L3MBTL4: variants seen among roughly 807,000 people sequenced by gnomAD.
The protein encoded by L3MBTL4 is L3MBTL histone methyl-lysine binding protein 4, also known as lethal(3)malignant brain tumor-like protein 4.
In L3MBTL4, 70 loss-of-function variants were observed where a neutral mutation model predicts 84.5. The observed-to-expected ratio is 0.83, with a 90% CI of 0.68 to 1.01. L3MBTL4 has a LOEUF of 1.01. Ranked by LOEUF, L3MBTL4 falls within the 50% of genes least tolerant of loss-of-function variation. The probability of loss-of-function intolerance (pLI) is 0.00; values close to 1 mark genes in which losing one functional copy is unlikely to be tolerated. For missense variants in L3MBTL4, 715 were observed against 754.8 expected, an observed-to-expected ratio of 0.95 and a Z score of 0.62; for synonymous variants, 274 against 259.8, an observed-to-expected ratio of 1.05 and a Z score of -0.52.
intron 1 of L3MBTL4, among the ~76,000 whole-genome samples, chr18:6,406,335 G>A (rs998072922): frequency 5.9e-5 from 9 of 152,226 alleles, no homozygotes; most frequent in Admixed American, 3.9e-4. Context: ...GTCATGGCAA[G>A]AAAGAATCAA....
intron 5 of L3MBTL4, among the ~76,000 whole-genome samples, chr18:6,256,487 T>C (rs2048143798): frequency 6.6e-6 from 1 of 151,618 alleles, no homozygotes; most frequent in Non-Finnish European, 1.5e-5. Flanking sequence ...AACCTTATCA[T>C]CCTGCAGAAG....
intron 1 of L3MBTL4, among the ~76,000 whole-genome samples, chr18:6,370,757 C>T (rs1008515451): frequency 6.6e-6 from 1 of 152,204 alleles, no homozygotes; most frequent in African/African-American, 2.4e-5. Flanking sequence ...ACACTGTCCC[C>T]AGTTGACAGG....
intron 16 of L3MBTL4, among the ~76,000 whole-genome samples, chr18:5,974,515 A>C (rs1027995364): frequency 1.3e-5 from 2 of 152,204 alleles, no homozygotes; most frequent in African/African-American, 4.8e-5. Flanking sequence ...AGAACGCCAC[A>C]GCCAGGGGAA....
At chr18:6,189,524 A>G (rs957084152) in intron 12 of L3MBTL4, among the ~76,000 whole-genome samples, 4 of 152,236 alleles carry the variant, frequency 2.6e-5, no homozygotes, top group African/African-American at 9.6e-5. Flanking sequence ...AAGAAACAAG[A>G]CAATGTAACT....
chr18:6,271,695 A>C (rs961344465), intron 4 of L3MBTL4, among the ~76,000 whole-genome samples: 6 of 152,204 alleles, frequency 3.9e-5, no homozygotes, highest in African/African-American at 1.2e-4. Flanking sequence ...GAGGAAGAAG[A>C]GCCGAGGTCA....
At position 6,215,737 on chromosome 18, in the gene L3MBTL4, A is replaced by G; in HGVS notation, c.870+13T>C. 6.5e-7 allele frequency: 1 copy of G among 1,541,824 alleles called. No individual in the cohort carries two copies. The highest frequency in any genetic ancestry group is 8.9e-7 in the Non-Finnish European group (1 of 1,124,052). ...TGTTTAAAGGTGAGAGTTTGTACCC[A>G]CATAGAACTTACCATTTTAAAAACT... On this transcript the variant is annotated intron_variant, in intron 11 of 18. Transcript: ENST00000317931.
intron 4 of L3MBTL4, among the ~76,000 whole-genome samples, chr18:6,282,075 G>A (rs1454339072): frequency 6.6e-6 from 1 of 152,148 alleles, no homozygotes; most frequent in Non-Finnish European, 1.5e-5. Context: ...AACCAGCTGA[G>A]CACAGCAAAC....
At chr18:6,332,878 T>C (rs910138820) in intron 1 of L3MBTL4, among the ~76,000 whole-genome samples, 1 of 152,210 alleles carries the variant, frequency 6.6e-6, no homozygotes, top group Non-Finnish European at 1.5e-5. Context: ...AAAGCAGCAG[T>C]AGCAGTAGCA....
intron 15 of L3MBTL4, among the ~76,000 whole-genome samples, chr18:6,085,354 T>G (rs1333916330): frequency 2.0e-5 from 3 of 152,216 alleles, no homozygotes; most frequent in Non-Finnish European, 4.4e-5. Flanking sequence ...ACCCATGACA[T>G]ATTGTTAAAT....
At chr18:6,313,161 G>A (rs1264595059) in intron 1 of L3MBTL4, among the ~76,000 whole-genome samples, 1 of 152,208 alleles carries the variant, frequency 6.6e-6, no homozygotes, top group African/African-American at 2.4e-5. Flanking sequence ...GACAAGGACT[G>A]TGAATTACTG....
At chr18:6,314,599 AAT>A (rs1359033895) in intron 1 of L3MBTL4, among the ~76,000 whole-genome samples, 8 of 152,214 alleles carry the variant, frequency 5.3e-5, no homozygotes, top group African/African-American at 1.9e-4. Flanking sequence ...AAAAATTGAA[AAT>A]AGTGTACTAA....
chr18:6,352,816 G>A lies in L3MBTL4; in HGVS notation c.-90-40760C>T, dbSNP rs571505915. 3.9e-5 allele frequency among the ~76,000 whole-genome samples: 6 copies of A among 152,266 alleles called. No individual in the cohort carries two copies. The South Asian group carries it at 1.2e-3, about 32-fold the overall frequency. ...AATCTAGTTGGTAGCCTCAAAAGTG[G>A]AAGAAACTGAAAAGAGACATTTTTC... On this transcript the variant is annotated intron_variant, in intron 1 of 18. Coordinates refer to ENST00000317931, the MANE Select transcript of L3MBTL4 (RefSeq NM_001330559.2).
intron 1 of L3MBTL4, among the ~76,000 whole-genome samples, chr18:6,345,668 T>G (rs2052861988): frequency 6.6e-6 from 1 of 152,116 alleles, no homozygotes; most frequent in African/African-American, 2.4e-5. Context: ...TGAAAGATAT[T>G]AAAGTAGACA....
chr18:6,321,955 A>T (rs762383032), intron 1 of L3MBTL4, among the ~76,000 whole-genome samples: 1 of 152,194 alleles, frequency 6.6e-6, no homozygotes, highest in Non-Finnish European at 1.5e-5. Context: ...TATAATGTAC[A>T]CTACTCAGGT....
chr18:6,180,057 C>G lies in L3MBTL4; in HGVS notation c.982-8115G>C, dbSNP rs145293676. Among the ~76,000 whole-genome samples, 80 of 152,222 alleles carry G rather than the reference C, an allele frequency of 5.3e-4. 2 individuals are homozygous for G. The East Asian group carries it at 0.012, about 22-fold the overall frequency. On this transcript the variant is annotated intron_variant, in intron 12 of 18. Coordinates refer to ENST00000317931, the MANE Select transcript of L3MBTL4 (RefSeq NM_001330559.2). ...CAGTAAATGGCAAAAACAGACTTAA[C>G]CTGAGAACAGTTTACTGAGAGAACC...
At chr18:6,159,403 T>C (rs2043228614) in intron 13 of L3MBTL4, among the ~76,000 whole-genome samples, 1 of 152,212 alleles carries the variant, frequency 6.6e-6, no homozygotes, top group Non-Finnish European at 1.5e-5. Flanking sequence ...TTGAGTTGCC[T>C]CACCTCTGGA....
At chr18:6,240,595 G>A (rs918959113) in intron 8 of L3MBTL4, among the ~76,000 whole-genome samples, 10 of 151,966 alleles carry the variant, frequency 6.6e-5, no homozygotes, top group African/African-American at 1.2e-4. Flanking sequence ...TACAGTATCC[G>A]GGAACTGAAA....
intron 1 of L3MBTL4, among the ~76,000 whole-genome samples, chr18:6,385,348 G>C (rs2054775905): frequency 6.6e-6 from 1 of 152,222 alleles, no homozygotes. Flanking sequence ...GCTGCAGTGG[G>C]CTGTGACTGC....
At chr18:6,196,804 G>A (rs2045418797) in intron 12 of L3MBTL4, among the ~76,000 whole-genome samples, 1 of 152,216 alleles carries the variant, frequency 6.6e-6, no homozygotes, top group Non-Finnish European at 1.5e-5. Flanking sequence ...CCACAACCAT[G>A]TTGTTTGAGA....
Sources: gnomAD v4.1 joint callset for allele counts (sites outside exome capture counted in the v4.1 genomes callset) on GRCh38, gnomAD v4.1.1 for gene constraint, MANE v1.5 for transcripts, NCBI Gene and HGNC (gene_info 2026-07-23, HGNC 2026-07-21) for gene names.